HIVEP3: variants seen among roughly 807,000 people sequenced by gnomAD.
HIVEP3 encodes HIVEP zinc finger 3, also known as transcription factor HIVEP3.
Under a neutral mutation model 152.8 loss-of-function variants are expected in HIVEP3, and 49 were observed. The observed-to-expected ratio is 0.32, with a 90% confidence interval of 0.26 to 0.41. HIVEP3 has a LOEUF of 0.41. Ranked by LOEUF, HIVEP3 falls within the 10% of genes least tolerant of loss-of-function variation. The pLI, the probability that HIVEP3 is intolerant of heterozygous loss-of-function variation, is 1.00. For missense variants in HIVEP3, 2,790 were observed against 3,103.3 expected, an observed-to-expected ratio of 0.90 and a Z score of 2.40; for synonymous variants, 1,269 against 1,289.0, an observed-to-expected ratio of 0.98 and a Z score of 0.33.
Position 41,580,611 on chromosome 1 carries a change from A to G in HIVEP3, c.4187T>C (p.Leu1396Pro), listed in dbSNP as rs760294758. 1.2e-6 allele frequency: 2 copies of G among 1,614,138 alleles called. No individual in the cohort carries two copies. Among genetic ancestry groups the G allele is most frequent in the South Asian group, 2.2e-5 (2 of 91,084 alleles). Residue 1396 changes from leucine to proline, a missense_variant, in exon 4 of 9, where the codon CTG becomes CCG. Transcript: ENST00000372583. Reference sequence around the variant, plus strand: ...TTCAGGTAATGTCACAGGCACTCTCAGGTATGGAGTTGGGAAAGCTCTGCT... The same window carrying G: ...TTCAGGTAATGTCACAGGCACTCTCGGGTATGGAGTTGGGAAAGCTCTGCT... ...EQSRAFPTPY[L>P]RVPVTLPERK... is the part of the protein sequence containing the mutation.
At chr1:41,716,606 A>T (rs1272008617) in intron 1 of HIVEP3, among the ~76,000 whole-genome samples, 1 of 152,184 alleles carries the variant, frequency 6.6e-6, no homozygotes, top group Non-Finnish European at 1.5e-5. Flanking sequence ...GGCCCTCTGG[A>T]CAGACAGCAT....
At chr1:41,837,619 C>A (rs774465415) in intron 1 of HIVEP3, among the ~76,000 whole-genome samples, 10 of 152,348 alleles carry the variant, frequency 6.6e-5, no homozygotes, top group Non-Finnish European at 1.0e-4. Context: ...AGCCACCACG[C>A]CCGGCCTGCT....
At chr1:41,575,398 T>G (rs1189467734) in intron 5 of HIVEP3, 146 bp downstream of exon 5, 1 of 757,850 alleles carries the variant, frequency 1.3e-6, no homozygotes, top group African/African-American at 1.7e-5. Flanking sequence ...CCCAGGAAGG[T>G]GATGTCTGCT....
chr1:41,594,167 T>G (rs1644629949), intron 3 of HIVEP3, among the ~76,000 whole-genome samples: 1 of 152,216 alleles, frequency 6.6e-6, no homozygotes, highest in African/African-American at 2.4e-5. Context: ...ATGTGGATAG[T>G]TTGGGGGTCC....
intron 1 of HIVEP3, among the ~76,000 whole-genome samples, chr1:41,835,587 T>C (rs1320399769): frequency 2.0e-5 from 3 of 152,266 alleles, no homozygotes; most frequent in Admixed American, 1.3e-4. Flanking sequence ...AATTAGATTT[T>C]ACAAAATCTG....
intron 1 of HIVEP3, among the ~76,000 whole-genome samples, chr1:41,712,973 G>C (rs983576970): frequency 6.6e-6 from 1 of 152,204 alleles, no homozygotes; most frequent in Admixed American, 6.5e-5. Flanking sequence ...ACCTCCCACC[G>C]ATGTGGAAGT....
chr1:42,034,425 A>C (rs1645629574), intron 1 of HIVEP3, among the ~76,000 whole-genome samples: 1 of 152,230 alleles, frequency 6.6e-6, no homozygotes, highest in South Asian at 2.1e-4. Context: ...CGGCAGGCTA[A>C]TAGAAAGATT....
intron 4 of HIVEP3, among the ~76,000 whole-genome samples, chr1:41,575,948 A>G (rs995511979): frequency 3.3e-5 from 5 of 152,168 alleles, no homozygotes; most frequent in Admixed American, 6.5e-5. Flanking sequence ...TTAACCTCCC[A>G]TAAGACCTGT....
intron 1 of HIVEP3, among the ~76,000 whole-genome samples, chr1:41,828,408 T>A (rs1353377607): frequency 2.0e-5 from 3 of 152,232 alleles, no homozygotes; most frequent in Admixed American, 6.5e-5. Context: ...TTGGGAACCG[T>A]CCAAATGGCA....
At chr1:41,806,496 C>G (rs1650618771) in intron 1 of HIVEP3, among the ~76,000 whole-genome samples, 1 of 152,238 alleles carries the variant, frequency 6.6e-6, no homozygotes, top group South Asian at 2.1e-4. Flanking sequence ...ACTTCACCTC[C>G]ATAAGCCTCC....
At chr1:41,724,864 C>T (rs1047421550) in intron 1 of HIVEP3, among the ~76,000 whole-genome samples, 5 of 152,342 alleles carry the variant, frequency 3.3e-5, no homozygotes, top group Non-Finnish European at 5.9e-5. Flanking sequence ...GGTGAGAGTC[C>T]GGCTGGGGCT....
At chr1:41,963,904 T>TTA (rs2124499496) in intron 1 of HIVEP3, among the ~76,000 whole-genome samples, 1 of 152,228 alleles carries the variant, frequency 6.6e-6, no homozygotes, top group South Asian at 2.1e-4. Context: ...TGACTAGAGC[T>TTA]TATATAAGCT....
chr1:41,692,860 G>A (rs1445488445), intron 2 of HIVEP3, among the ~76,000 whole-genome samples: 1 of 152,174 alleles, frequency 6.6e-6, no homozygotes, highest in Non-Finnish European at 1.5e-5. Flanking sequence ...CCTATTGATG[G>A]ACAATTTGGT....
chr1:41,652,909 G>A (rs909065669), intron 2 of HIVEP3, among the ~76,000 whole-genome samples: 2 of 152,126 alleles, frequency 1.3e-5, no homozygotes, highest in African/African-American at 2.4e-5. Flanking sequence ...TGTCACATGA[G>A]CTTGGTTACC....
chr1:41,846,109 G>A (rs1396856941), intron 1 of HIVEP3, among the ~76,000 whole-genome samples: 3 of 152,030 alleles, frequency 2.0e-5, no homozygotes, highest in African/African-American at 4.8e-5. Context: ...ACCAACGCAC[G>A]AATAACATTC....
intron 1 of HIVEP3, among the ~76,000 whole-genome samples, chr1:41,949,894 T>C (rs1645096421): frequency 6.6e-6 from 1 of 152,152 alleles, no homozygotes; most frequent in South Asian, 2.1e-4. Context: ...AAATCTCAAC[T>C]GCATGACCCC....
chr1:41,668,417 C>A (rs1319226379), intron 2 of HIVEP3, among the ~76,000 whole-genome samples: 1 of 152,240 alleles, frequency 6.6e-6, no homozygotes, highest in Admixed American at 6.5e-5. Flanking sequence ...CACCCCATCC[C>A]TGCTCAGGCT....
intron 5 of HIVEP3, among the ~76,000 whole-genome samples, chr1:41,569,126 A>C (rs978255977): frequency 1.3e-5 from 2 of 152,202 alleles, no homozygotes; most frequent in African/African-American, 4.8e-5. Flanking sequence ...AGATGCCAGG[A>C]GCATGCTTCC....
chr1:41,939,481 T>C (rs551582121), intron 1 of HIVEP3, among the ~76,000 whole-genome samples: 4 of 152,360 alleles, frequency 2.6e-5, no homozygotes, highest in African/African-American at 9.6e-5. Flanking sequence ...GTCCTTTTTC[T>C]TTTTATTTTT....
Sources: gnomAD v4.1 joint callset for allele counts (sites outside exome capture counted in the v4.1 genomes callset) on GRCh38, gnomAD v4.1.1 for gene constraint, MANE v1.5 for transcripts, NCBI Gene and HGNC (gene_info 2026-07-23, HGNC 2026-07-21) for gene names.